KCNQ3: variants seen among roughly 807,000 people sequenced by gnomAD.
KCNQ3 encodes potassium voltage-gated channel subfamily KQT member 3.
KCNQ3 carries 30 observed loss-of-function variants against 92.5 expected under a neutral mutation model. The observed-to-expected ratio is 0.32, with a 90% CI of 0.24 to 0.44. The LOEUF (loss-of-function observed/expected upper bound fraction) is 0.44. Among genes scored for constraint, KCNQ3 ranks in the 20% least tolerant of loss-of-function variants. The pLI, the probability that KCNQ3 is intolerant of heterozygous loss-of-function variation, is 1.00. For synonymous variants in KCNQ3, 450 were observed against 468.8 expected (o/e 0.96, Z 0.52); for missense variants, 913 against 1,140.3 (o/e 0.80, Z 2.87).
chr8:132,432,848 C>T (rs1821288570), intron 1 of KCNQ3, among the ~76,000 whole-genome samples: 1 of 152,168 alleles, frequency 6.6e-6, no homozygotes, highest in Non-Finnish European at 1.5e-5. Context: ...CTTTCTTGTG[C>T]CAGGCACAGG....
intron 14 of KCNQ3, 82 bp downstream of exon 14, chr8:132,132,098 A>G (rs1824902767): frequency 1.0e-6 from 1 of 1,001,402 alleles, no homozygotes; most frequent in Non-Finnish European, 1.6e-6. Flanking sequence ...AAAAAAAAAA[A>G]AGAAAGAAAG....
At chr8:132,470,096 G>C (rs575836056) in intron 1 of KCNQ3, among the ~76,000 whole-genome samples, 1 of 25,858 alleles carries the variant, frequency 3.9e-5, no homozygotes, top group Admixed American at 4.0e-4. Flanking sequence ...TCTCCATACA[G>C]AAAGAACTAT....
chr8:132,472,700 G>C (rs1158573273), intron 1 of KCNQ3, among the ~76,000 whole-genome samples: 1 of 152,124 alleles, frequency 6.6e-6, no homozygotes, highest in Non-Finnish European at 1.5e-5. Flanking sequence ...TAATATCAGA[G>C]AAGGGTGACC....
chr8:132,470,002 T>C (rs972903158), intron 1 of KCNQ3, among the ~76,000 whole-genome samples: 7 of 152,108 alleles, frequency 4.6e-5, no homozygotes, highest in African/African-American at 1.7e-4. Flanking sequence ...CGATGTTTCC[T>C]TTCCCTGCTC....
chr8:132,407,237 C>G (rs558872356), intron 1 of KCNQ3, among the ~76,000 whole-genome samples: 96 of 152,344 alleles, frequency 6.3e-4, no homozygotes, highest in African/African-American at 2.2e-3. Flanking sequence ...GGAGACAGCA[C>G]AGCCACCTGC....
intron 3 of KCNQ3, among the ~76,000 whole-genome samples, chr8:132,181,353 T>C (rs1333533776): frequency 1.3e-5 from 2 of 152,162 alleles, no homozygotes; most frequent in Non-Finnish European, 2.9e-5. Flanking sequence ...CTCCATTAAA[T>C]GGGTTTTACA....
chr8:132,361,768 C>G (rs1819179737), intron 1 of KCNQ3, among the ~76,000 whole-genome samples: 2 of 152,088 alleles, frequency 1.3e-5, no homozygotes, highest in African/African-American at 4.8e-5. Context: ...ACACCAGTAA[C>G]TGTATTTTGG....
intron 1 of KCNQ3, among the ~76,000 whole-genome samples, chr8:132,206,890 T>G (rs1200881935): frequency 1.3e-5 from 2 of 152,206 alleles, no homozygotes; most frequent in African/African-American, 4.8e-5. Context: ...ATTTTGGGCT[T>G]GGTTTGCTCT....
At chr8:132,165,693 A>G (rs1013061520) in intron 8 of KCNQ3, among the ~76,000 whole-genome samples, 2 of 152,186 alleles carry the variant, frequency 1.3e-5, no homozygotes, top group Admixed American at 6.5e-5. Context: ...TCCCTAAATA[A>G]TGTTTTCTTC....
At position 132,127,693 on chromosome 8, in the gene KCNQ3, C is replaced by A. The variant is rs192935841; in HGVS notation, c.*1569G>T. On this transcript the variant is annotated 3_prime_UTR_variant, in exon 15 of 15. Coordinates refer to ENST00000388996, the MANE Select transcript of KCNQ3 (RefSeq NM_004519.4). ...GCCTAGGTGTGTGAGAAGAGTGATA[C>A]AATAATACTGTGGCATGGTCATTTA... 1.3e-5 allele frequency: 2 copies of A among 152,270 alleles called. No homozygotes were observed. The allele number at this position is 152,270 out of a possible 1,614,324, so 9.4% of individuals were successfully genotyped here.
chr8:132,269,160 T>C (rs953566413), intron 1 of KCNQ3, among the ~76,000 whole-genome samples: 3 of 152,222 alleles, frequency 2.0e-5, no homozygotes, highest in Admixed American at 2.0e-4. Context: ...CAGTCTGTGC[T>C]TGTCTTTTCA....
intron 1 of KCNQ3, among the ~76,000 whole-genome samples, chr8:132,303,390 A>T (rs575129153): frequency 1.3e-4 from 19 of 151,218 alleles, no homozygotes; most frequent in African/African-American, 4.4e-4. Flanking sequence ...AAGTGCATCC[A>T]TTACATATTT....
In KCNQ3 at chr8:132,249,744, G is replaced by A. The variant is rs192123634; in HGVS notation, c.387-63563C>T. 4.9e-3 allele frequency among the ~76,000 whole-genome samples: 744 copies of A among 152,302 alleles called. 7 individuals carry two copies. Among genetic ancestry groups the A allele is most frequent in the African/African-American group, 0.017 (720 of 41,568 alleles). ...TTGGGGAGGCTTGGGCTGTGCAGGA[G>A]CCCACGGCTAGGGGGAGGCTCGGGC... On this transcript the variant is annotated intron_variant, in intron 1 of 14. Coordinates refer to ENST00000388996, the MANE Select transcript of KCNQ3 (RefSeq NM_004519.4).
chr8:132,478,388 G>A (rs900923947), intron 1 of KCNQ3, among the ~76,000 whole-genome samples: 1 of 152,138 alleles, frequency 6.6e-6, no homozygotes, highest in Non-Finnish European at 1.5e-5. Flanking sequence ...TACTGAACGC[G>A]ATGTGCATGT....
chr8:132,279,882 T>C (rs1022387838), intron 1 of KCNQ3, among the ~76,000 whole-genome samples: 2 of 151,004 alleles, frequency 1.3e-5, no homozygotes, highest in Non-Finnish European at 3.0e-5. Context: ...ATATATATAT[T>C]TGAGATAGTT....
At chr8:132,291,659 T>A (rs1816838031) in intron 1 of KCNQ3, among the ~76,000 whole-genome samples, 2 of 152,168 alleles carry the variant, frequency 1.3e-5, no homozygotes, top group Non-Finnish European at 1.5e-5. Flanking sequence ...AGATTTCACT[T>A]AGAAAAAATA....
chr8:132,234,991 T>G (rs1396359023), intron 1 of KCNQ3, among the ~76,000 whole-genome samples: 1 of 152,216 alleles, frequency 6.6e-6, no homozygotes, highest in Non-Finnish European at 1.5e-5. Flanking sequence ...AATCATTGAT[T>G]TATATACATT....
At chr8:132,332,873 C>T (rs1563864264) in intron 1 of KCNQ3, among the ~76,000 whole-genome samples, 2 of 152,230 alleles carry the variant, frequency 1.3e-5, no homozygotes, top group South Asian at 4.1e-4. Flanking sequence ...GCTGCACTCA[C>T]CTCTCTTCAT....
intron 1 of KCNQ3, among the ~76,000 whole-genome samples, chr8:132,384,864 A>G (rs998424567): frequency 5.3e-5 from 8 of 152,166 alleles, no homozygotes; most frequent in African/African-American, 1.9e-4. Context: ...GATAGTACCT[A>G]TTTCACAGGA....
Sources: gnomAD v4.1 joint callset for allele counts (sites outside exome capture counted in the v4.1 genomes callset) on GRCh38, gnomAD v4.1.1 for gene constraint, MANE v1.5 for transcripts, NCBI Gene and HGNC (gene_info 2026-07-23, HGNC 2026-07-21) for gene names.